ABLIM1: variants seen among roughly 807,000 people sequenced by gnomAD.
The protein encoded by ABLIM1 is actin-binding LIM protein 1.
In ABLIM1, 40 loss-of-function variants were observed where a neutral mutation model predicts 107.0. That is an observed-to-expected ratio of 0.37 (90% CI 0.29 to 0.49). The LOEUF (loss-of-function observed/expected upper bound fraction) is 0.49. ABLIM1 is among the 20% of genes least tolerant of loss of function. ABLIM1 has a pLI of 0.97. For synonymous variants in ABLIM1, 357 were observed against 357.3 expected, an observed-to-expected ratio of 1.00 and a Z score of 0.01; for missense variants, 857 against 1,008.5, an observed-to-expected ratio of 0.85 and a Z score of 2.04.
At chr10:114,769,752 A>G (rs1003322072), upstream of ABLIM1, among the ~76,000 whole-genome samples, 13 of 152,248 alleles carry the variant, frequency 8.5e-5, no homozygotes, top group Non-Finnish European at 1.8e-4. Context: ...CATTGTTGAA[A>G]AAAACCCAAC....
intron 1 of ABLIM1, among the ~76,000 whole-genome samples, chr10:114,702,888 G>A (rs1051116822): frequency 2.6e-5 from 4 of 151,894 alleles, no homozygotes; most frequent in African/African-American, 4.8e-5. Context: ...ACTTTCCCTC[G>A]CTAGACATTT....
chr10:114,509,086 C>T (rs1003425343), intron 6 of ABLIM1, among the ~76,000 whole-genome samples: 6 of 152,062 alleles, frequency 3.9e-5, no homozygotes, highest in South Asian at 4.2e-4. Flanking sequence ...AGAATAAATT[C>T]GTATGGAGAA....
intron 1 of ABLIM1, among the ~76,000 whole-genome samples, chr10:114,737,231 C>A (rs1050611726): frequency 6.6e-6 from 1 of 152,102 alleles, no homozygotes. Flanking sequence ...GGCTGAGACA[C>A]GAGAATCTCT....
At chr10:114,782,477 C>G in the ABLIM1 span, among the ~76,000 whole-genome samples, 2 of 152,100 alleles carry the variant, frequency 1.3e-5, no homozygotes, top group Non-Finnish European at 2.9e-5. Flanking sequence ...GGAGGGCAAG[C>G]CTGACACGTT....
intron 1 of ABLIM1, among the ~76,000 whole-genome samples, chr10:114,635,444 T>C (rs2078430034): frequency 6.6e-6 from 1 of 152,228 alleles, no homozygotes; most frequent in Non-Finnish European, 1.5e-5. Context: ...CGTGCACCTG[T>C]AGTGCAGGAA....
At chr10:114,561,744 G>A (rs2483557) in intron 4 of ABLIM1, among the ~76,000 whole-genome samples, 53,870 of 152,118 alleles carry the variant, frequency 0.35, 12,081 homozygotes, top group African/African-American at 0.63. Flanking sequence ...TTTTAGATGT[G>A]GGCTTTATCA....
intron 6 of ABLIM1, among the ~76,000 whole-genome samples, chr10:114,497,858 T>C (rs982845152): frequency 1.3e-5 from 2 of 152,192 alleles, no homozygotes; most frequent in Non-Finnish European, 2.9e-5. Context: ...GTGCAAAAAA[T>C]TGTTTGCCTT....
intron 1 of ABLIM1, among the ~76,000 whole-genome samples, chr10:114,614,832 T>A (rs558543234): frequency 4.6e-5 from 7 of 151,950 alleles, no homozygotes; most frequent in Non-Finnish European, 7.4e-5. Flanking sequence ...GGCGGGTGGA[T>A]CACCCGAGGT....
At chr10:114,765,889 T>A (rs1475150099) in intron 1 of ABLIM1, among the ~76,000 whole-genome samples, 2 of 152,208 alleles carry the variant, frequency 1.3e-5, no homozygotes, top group African/African-American at 4.8e-5. Flanking sequence ...CCTACCAAGA[T>A]GTTTCTAAAT....
At chr10:114,724,002 G>A (rs2081905515) in intron 1 of ABLIM1, among the ~76,000 whole-genome samples, 2 of 152,052 alleles carry the variant, frequency 1.3e-5, no homozygotes, top group African/African-American at 4.8e-5. Flanking sequence ...TAAAATCTTT[G>A]ACCTATATTC....
intron 4 of ABLIM1, among the ~76,000 whole-genome samples, chr10:114,568,187 A>G (rs2071066880): frequency 9.4e-6 from 1 of 106,498 alleles, no homozygotes; most frequent in Non-Finnish European, 1.7e-5. Flanking sequence ...ACAGAGCAAG[A>G]CTCCGTCTCA....
chr10:114,681,762 C>T (rs575093479), intron 1 of ABLIM1, among the ~76,000 whole-genome samples: 2 of 152,332 alleles, frequency 1.3e-5, no homozygotes, highest in South Asian at 4.1e-4. Context: ...ATGACTCAGA[C>T]AGAAGCTCCT....
At chr10:114,742,216 G>C (rs1331612077) in intron 1 of ABLIM1, among the ~76,000 whole-genome samples, 1 of 152,096 alleles carries the variant, frequency 6.6e-6, no homozygotes, top group Non-Finnish European at 1.5e-5. Context: ...TTGCGATTTT[G>C]CATTATAAAA....
chr10:114,436,289 C>G lies in ABLIM1; in HGVS notation c.2308G>C (p.Asp770His), dbSNP rs143708042. 6.2e-7 allele frequency: 1 copy of G among 1,613,750 alleles called. No individual in the cohort carries two copies. Among genetic ancestry groups the G allele is most frequent in the Middle Eastern group, 1.6e-4 (1 of 6,062 alleles). ...FDRLPLWRRN[D>H]MKKKAKLF ...AAGAGTTTTGCTTTTTTCTTCATGT[C>G]GTTGCGTCTCCAAAGAGGTAACCTG... Residue 770 changes from aspartate (D) to histidine (H), a missense_variant, in exon 23 of 23, where the codon GAC becomes CAC. By Grantham distance (81) the Asp-to-His change is moderately conservative. Coordinates refer to ENST00000533213, the MANE Select transcript of ABLIM1 (RefSeq NM_002313.7).
chr10:114,783,923 A>G, the ABLIM1 span, among the ~76,000 whole-genome samples: 5 of 152,084 alleles, frequency 3.3e-5, no homozygotes, highest in African/African-American at 1.2e-4. Flanking sequence ...GAAAATGTGC[A>G]CTGAACTTGG....
intron 1 of ABLIM1, among the ~76,000 whole-genome samples, chr10:114,738,860 G>A (rs2082234617): frequency 1.3e-5 from 2 of 152,114 alleles, no homozygotes; most frequent in Admixed American, 6.5e-5. Context: ...TGGTCAGGAT[G>A]CACAAGGACA....
intron 6 of ABLIM1, among the ~76,000 whole-genome samples, chr10:114,516,683 A>C (rs1012674870): frequency 2.0e-5 from 3 of 152,198 alleles, no homozygotes; most frequent in Non-Finnish European, 4.4e-5. Flanking sequence ...AAATAAAACA[A>C]ATAGATGGTG....
chr10:114,618,618 CCA>C (rs1333722747), intron 1 of ABLIM1, among the ~76,000 whole-genome samples: 1 of 152,148 alleles, frequency 6.6e-6, no homozygotes, highest in Non-Finnish European at 1.5e-5. Flanking sequence ...CTGCACAACT[CCA>C]GAGGGTGCTG....
chr10:114,772,644 G>C (rs2083037946), upstream of ABLIM1, among the ~76,000 whole-genome samples: 1 of 151,916 alleles, frequency 6.6e-6, no homozygotes, highest in Non-Finnish European at 1.5e-5. Context: ...TAGACCCCAA[G>C]GATTCCACAA....
Sources: gnomAD v4.1 joint callset for allele counts (sites outside exome capture counted in the v4.1 genomes callset) on GRCh38, gnomAD v4.1.1 for gene constraint, MANE v1.5 for transcripts, NCBI Gene and HGNC (gene_info 2026-07-23, HGNC 2026-07-21) for gene names.